EDA: variants seen among roughly 807,000 people sequenced by gnomAD.
EDA encodes ectodysplasin A.
A neutral mutation model predicts 23.6 loss-of-function variants in EDA; 2 were observed. That is an observed-to-expected ratio of 0.08 (90% confidence interval 0.03 to 0.27). The LOEUF is 0.27. Among genes scored for constraint, EDA ranks in the 10% least tolerant of loss-of-function variants. The probability of loss-of-function intolerance (pLI) is 1.00; values close to 1 mark genes in which losing one functional copy is unlikely to be tolerated. For missense variants in EDA, 229 were observed against 324.2 expected (o/e 0.71, Z 2.26); for synonymous variants, 131 against 132.0 (o/e 0.99, Z 0.05).
chrX:69,624,164 AATTC>A (rs1330245118), intron 1 of EDA, among the ~76,000 whole-genome samples: 1 of 111,859 alleles, frequency 8.9e-6, no homozygotes, highest in Non-Finnish European at 1.9e-5. Flanking sequence ...CTTAACTTCC[AATTC>A]ATTAATTCTG....
rs767123244 is a variant in EDA at position 69,754,882 on chromosome X, G to A, written c.396+138178G>A. Among the ~76,000 whole-genome samples the A allele has an allele frequency of 5.6e-4, 63 of 111,835 alleles. 1 individual carries two copies. The highest frequency in any genetic ancestry group is 1.9e-4 in the Admixed American group (2 of 10,589). The stretch of plus-strand genomic sequence containing the variant: ...CTTGTGCATGCATCATGTAGTTCTC[G>A]TGCCAAGGTCTTCAGCTCCATCAGG... On this transcript the variant is annotated intron_variant, in intron 1 of 7. Coordinates refer to ENST00000374552, the MANE Select transcript of EDA (RefSeq NM_001399.5).
chrX:69,946,062 G>A (rs747599095), intron 1 of EDA, among the ~76,000 whole-genome samples: 6 of 111,867 alleles, frequency 5.4e-5, no homozygotes, highest in Non-Finnish European at 1.1e-4. Context: ...TGCTGGTCTC[G>A]TGTTTTTCTT....
intron 1 of EDA, among the ~76,000 whole-genome samples, chrX:69,932,646 C>T (rs1284377155): frequency 9.0e-6 from 1 of 111,513 alleles, no homozygotes; most frequent in African/African-American, 3.3e-5. Flanking sequence ...ATTTTTATAT[C>T]TTATGAGTAA....
At chrX:70,033,562 T>C in intron 7 of EDA, 34 bp downstream of exon 7, 1 of 1,206,406 alleles carries the variant, frequency 8.3e-7, no homozygotes, top group East Asian at 3.0e-5. Flanking sequence ...TCTTCTTATA[T>C]CCAGAATGCA....
At chrX:69,965,961 T>A (rs1338790102) in intron 2 of EDA, among the ~76,000 whole-genome samples, 1 of 111,032 alleles carries the variant, frequency 9.0e-6, no homozygotes, top group African/African-American at 3.3e-5. Context: ...GTGGGAGGAT[T>A]GCTTGAGCCT....
At chrX:69,990,756 T>TTTTTC (rs913336065) in intron 2 of EDA, among the ~76,000 whole-genome samples, 4 of 107,599 alleles carry the variant, frequency 3.7e-5, no homozygotes, top group African/African-American at 1.4e-4. Flanking sequence ...TTTTTTTTTT[T>TTTTTC]CTGTCTGTTC....
chrX:69,695,560 A>G (rs1368345855), intron 1 of EDA, among the ~76,000 whole-genome samples: 5 of 91,307 alleles, frequency 5.5e-5, no homozygotes, highest in African/African-American at 2.1e-4. Context: ...CCTGGGCTGG[A>G]GTGCAGTGGC....
chrX:69,663,975 C>G (rs1415732423), intron 1 of EDA, among the ~76,000 whole-genome samples: 1 of 112,411 alleles, frequency 8.9e-6, no homozygotes, highest in Non-Finnish European at 1.9e-5. Context: ...TTACCCAATG[C>G]CTGTACCCCC....
rs199852492 is a variant in EDA at position 70,029,556 on chromosome X, C to T, written c.741+18C>T. ...AAAACCAGGTTGGCTGGGGATTGCT[C>T]TCTTCCTGGGTAGGAGGGAAAGCCA... On this transcript the variant is annotated intron_variant, in intron 5 of 7. Coordinates refer to ENST00000374552, the MANE Select transcript of EDA (RefSeq NM_001399.5). 5 of 1,209,809 alleles carry T rather than the reference C, an allele frequency of 4.1e-6. No homozygotes were observed. Among genetic ancestry groups the T allele is most frequent in the Non-Finnish European group, 5.6e-6 (5 of 893,400 alleles).
chrX:69,749,050 C>G (rs1212775264), intron 1 of EDA, among the ~76,000 whole-genome samples: 1 of 94,041 alleles, frequency 1.1e-5, no homozygotes, highest in African/African-American at 3.9e-5. Context: ...AACTCGTCAT[C>G]TAGCATTAGG....
intron 3 of EDA, among the ~76,000 whole-genome samples, chrX:70,024,745 C>T (rs1043348098): frequency 9.0e-6 from 1 of 111,639 alleles, no homozygotes; most frequent in Non-Finnish European, 1.9e-5. Context: ...AATTTTCCTC[C>T]TTCCACAACT....
intron 1 of EDA, among the ~76,000 whole-genome samples, chrX:69,686,289 G>T (rs906808081): frequency 1.8e-5 from 2 of 112,312 alleles, no homozygotes; most frequent in Admixed American, 9.4e-5. Context: ...GAGCCACCGC[G>T]CCCAGCCTGA....
intron 6 of EDA, among the ~76,000 whole-genome samples, chrX:70,032,916 C>T (rs949981950): frequency 3.6e-5 from 4 of 112,026 alleles, no homozygotes; most frequent in South Asian, 3.7e-4. Context: ...GTGGAAGAAC[C>T]GTAAAAAAGA....
chrX:69,951,041 T>G (rs1362605985), intron 1 of EDA, among the ~76,000 whole-genome samples: 2 of 105,754 alleles, frequency 1.9e-5, no homozygotes, highest in African/African-American at 7.0e-5. Context: ...TGTATACATA[T>G]GTAACTAACC....
intron 1 of EDA, among the ~76,000 whole-genome samples, chrX:69,894,119 C>T (rs1362227437): frequency 8.9e-6 from 1 of 111,945 alleles, no homozygotes; most frequent in East Asian, 2.8e-4. Context: ...TTTCAATCTA[C>T]TGCATATGGC....
chrX:69,800,244 C>T (rs892485775), intron 1 of EDA, among the ~76,000 whole-genome samples: 3 of 111,149 alleles, frequency 2.7e-5, no homozygotes, highest in African/African-American at 9.8e-5. Context: ...CAGGGGATGA[C>T]GTGGAAGGGA....
chrX:69,828,169 C>T (rs1019562002), intron 1 of EDA, among the ~76,000 whole-genome samples: 1 of 111,871 alleles, frequency 8.9e-6, no homozygotes, highest in Non-Finnish European at 1.9e-5. Context: ...CTGTGCCCTG[C>T]CCCCAGAGGT....
intron 1 of EDA, among the ~76,000 whole-genome samples, chrX:69,826,322 G>T (rs1334812982): frequency 9.1e-6 from 1 of 110,060 alleles, no homozygotes; most frequent in Non-Finnish European, 1.9e-5. Flanking sequence ...CATTATTAAT[G>T]TGTGGGAGTC....
At chrX:69,974,144 G>T (rs1441526850) in intron 2 of EDA, among the ~76,000 whole-genome samples, 5 of 110,124 alleles carry the variant, frequency 4.5e-5, no homozygotes, top group Non-Finnish European at 7.6e-5. Context: ...AAGATTACTT[G>T]AGTGGGTAAA....
Sources: gnomAD v4.1 joint callset for allele counts (sites outside exome capture counted in the v4.1 genomes callset) on GRCh38, gnomAD v4.1.1 for gene constraint, MANE v1.5 for transcripts, NCBI Gene and HGNC (gene_info 2026-07-23, HGNC 2026-07-21) for gene names.